ANO10: variants seen among roughly 807,000 people sequenced by gnomAD.
The protein encoded by ANO10 is anoctamin 10, also known as anoctamin-10.
ANO10 carries 77 observed loss-of-function variants against 74.7 expected under a neutral mutation model. The observed-to-expected ratio is 1.03, with a 90% confidence interval of 0.86 to 1.25. The LOEUF (loss-of-function observed/expected upper bound fraction) is 1.25, where lower values mean the gene tolerates loss of function less well. ANO10 is among the 50% of genes most tolerant of loss of function. The probability of loss-of-function intolerance (pLI) is 0.00; values close to 1 mark genes in which losing one functional copy is unlikely to be tolerated. For synonymous variants in ANO10, 279 were observed against 284.9 expected, an observed-to-expected ratio of 0.98 and a Z score of 0.21; for missense variants, 721 against 778.1, an observed-to-expected ratio of 0.93 and a Z score of 0.87.
intron 11 of ANO10, among the ~76,000 whole-genome samples, chr3:43,467,231 T>C (rs1274955194): frequency 1.3e-5 from 2 of 152,196 alleles, no homozygotes; most frequent in Non-Finnish European, 2.9e-5. Flanking sequence ...TAAGACTCAG[T>C]CATTCCACTA....
chr3:43,391,770 C>G (rs2092279942), intron 12 of ANO10, among the ~76,000 whole-genome samples: 1 of 152,136 alleles, frequency 6.6e-6, no homozygotes, highest in Middle Eastern at 3.2e-3. Flanking sequence ...GAAATGGATC[C>G]TCCCTAAGGT....
At chr3:43,689,002 G>T (rs1364701632) in intron 1 of ANO10, among the ~76,000 whole-genome samples, 1 of 152,166 alleles carries the variant, frequency 6.6e-6, no homozygotes, top group Non-Finnish European at 1.5e-5. Context: ...GCGGGAGCAG[G>T]CATCTTACAT....
intron 11 of ANO10, among the ~76,000 whole-genome samples, chr3:43,460,378 A>C (rs963435257): frequency 1.1e-4 from 16 of 152,244 alleles, no homozygotes; most frequent in African/African-American, 3.9e-4. Flanking sequence ...AGATGCATAC[A>C]TACATGTGCC....
At chr3:43,514,092 T>C (rs375208108) in intron 11 of ANO10, among the ~76,000 whole-genome samples, 2 of 151,080 alleles carry the variant, frequency 1.3e-5, no homozygotes, top group African/African-American at 2.4e-5. Flanking sequence ...CAAGCAAAAA[T>C]AGAAAAAATA....
intron 7 of ANO10, among the ~76,000 whole-genome samples, chr3:43,569,366 G>A (rs1304788147): frequency 6.2e-5 from 9 of 145,280 alleles, no homozygotes; most frequent in African/African-American, 1.3e-4. Flanking sequence ...TACCAAAGTC[G>A]GGCAGAGACA....
At chr3:43,567,457 G>A (rs1255811871) in intron 7 of ANO10, among the ~76,000 whole-genome samples, 1 of 152,110 alleles carries the variant, frequency 6.6e-6, no homozygotes, top group Non-Finnish European at 1.5e-5. Flanking sequence ...CCCTTAAAGG[G>A]AAGCCCATCA....
intron 10 of ANO10, among the ~76,000 whole-genome samples, chr3:43,554,652 T>C (rs1333015845): frequency 1.3e-5 from 2 of 152,100 alleles, no homozygotes; most frequent in Non-Finnish European, 2.9e-5. Context: ...GAAGTCCAGG[T>C]TCCCCATGTA....
chr3:43,486,700 T>G (rs570603628), intron 11 of ANO10, among the ~76,000 whole-genome samples: 13 of 149,968 alleles, frequency 8.7e-5, no homozygotes, highest in South Asian at 4.3e-4. Context: ...AAGGAGATTT[T>G]GGGCTGAGAC....
intron 1 of ANO10, among the ~76,000 whole-genome samples, chr3:43,611,146 A>G (rs1041405941): frequency 6.6e-6 from 1 of 152,200 alleles, no homozygotes; most frequent in Admixed American, 6.5e-5. Flanking sequence ...AGACAATAGT[A>G]TGTGAGCAGA....
chr3:43,633,530 A>C (rs1467448233), intron 1 of ANO10, among the ~76,000 whole-genome samples: 1 of 152,212 alleles, frequency 6.6e-6, no homozygotes, highest in Admixed American at 6.5e-5. Context: ...GAATAAAGCC[A>C]TTGAAGTAAT....
intron 12 of ANO10, among the ~76,000 whole-genome samples, chr3:43,399,266 C>T (rs924657210): frequency 2.2e-4 from 33 of 152,198 alleles, no homozygotes; most frequent in Admixed American, 5.2e-4. Context: ...TCATTTCTAA[C>T]GAATCTATTT....
intron 7 of ANO10, among the ~76,000 whole-genome samples, chr3:43,574,139 G>C (rs2080881218): frequency 6.6e-6 from 1 of 152,036 alleles, no homozygotes; most frequent in Admixed American, 6.6e-5. Context: ...TTTTATGGTA[G>C]AGACAGGTTT....
At chr3:43,471,451 T>A (rs1441524500) in intron 11 of ANO10, among the ~76,000 whole-genome samples, 1 of 152,118 alleles carries the variant, frequency 6.6e-6, no homozygotes, top group East Asian at 1.9e-4. Flanking sequence ...AGGAGGAGTG[T>A]TCAGGGCGTC....
At position 43,580,420 on chromosome 3, in the gene ANO10, G is replaced by T. The variant is rs752657568; in HGVS notation, c.525C>A (p.Asp175Glu). The change falls in exon 5 of 13, where the codon GAC becomes GAA. Residue 175 changes from aspartate to glutamate, a missense_variant. Coordinates refer to ENST00000292246, the MANE Select transcript of ANO10 (RefSeq NM_018075.5). ...CCTCAAGCTTCTTCAGGGCTTCACT[G>T]TCATGCAGTGGAAACACCTGAATCA... is the stretch of plus-strand genomic sequence containing the variant. ...GIVIQVFPLH[D>E]SEALKKLEDT... 6.2e-7 allele frequency: 1 copy of T among 1,613,998 alleles called. No homozygotes were observed. The highest frequency in any genetic ancestry group is 1.1e-5 in the South Asian group (1 of 90,996).
chr3:43,635,620 CTT>C (rs1245285633), intron 1 of ANO10, among the ~76,000 whole-genome samples: 3 of 140,194 alleles, frequency 2.1e-5, no homozygotes, highest in African/African-American at 2.6e-5. Context: ...AAGCTCTGAT[CTT>C]TTTTTTTTTT....
At chr3:43,495,844 T>A (rs547415016) in intron 11 of ANO10, among the ~76,000 whole-genome samples, 1 of 151,836 alleles carries the variant, frequency 6.6e-6, no homozygotes, top group Non-Finnish European at 1.5e-5. Flanking sequence ...GGACTACAGG[T>A]GCCTGCCACC....
intron 11 of ANO10, among the ~76,000 whole-genome samples, chr3:43,523,023 T>C (rs1319889360): frequency 6.6e-6 from 1 of 152,092 alleles, no homozygotes; most frequent in Non-Finnish European, 1.5e-5. Flanking sequence ...GCTTCTATAG[T>C]GGGAGGGGGC....
chr3:43,552,487 G>A (rs1288195292), intron 10 of ANO10, among the ~76,000 whole-genome samples: 2 of 151,864 alleles, frequency 1.3e-5, no homozygotes, highest in Non-Finnish European at 2.9e-5. Context: ...CTCAATAAGA[G>A]AAGAAAAGTC....
At chr3:43,561,853 T>A (rs1374913436) in intron 8 of ANO10, among the ~76,000 whole-genome samples, 2 of 152,204 alleles carry the variant, frequency 1.3e-5, no homozygotes, top group Non-Finnish European at 2.9e-5. Flanking sequence ...AAAAAAAGAA[T>A]CATTACAAAA....
Sources: allele counts gnomAD v4.1 joint callset (sites outside exome capture counted in the v4.1 genomes callset), GRCh38; gene constraint gnomAD v4.1.1; transcripts MANE v1.5; gene names NCBI Gene and HGNC (gene_info 2026-07-23, HGNC 2026-07-21).